VPS37B: variants seen among roughly 807,000 people sequenced by gnomAD.
VPS37B encodes VPS37B subunit of ESCRT-I.
In VPS37B, 11 loss-of-function variants were observed where a neutral mutation model predicts 21.2. That is an observed-to-expected ratio of 0.52 (90% confidence interval 0.33 to 0.86). The LOEUF is 0.86. Among genes scored for constraint, VPS37B ranks in the 40% least tolerant of loss-of-function variants. The pLI is 0.03. For synonymous variants in VPS37B, 175 were observed against 159.6 expected (o/e 1.10, Z -0.73); for missense variants, 389 against 374.8 (o/e 1.04, Z -0.31).
At chr12:122,884,924 A>G (rs2034299825) in intron 1 of VPS37B, 1 of 152,208 alleles carries the variant, frequency 6.6e-6, no homozygotes, top group African/African-American at 2.4e-5. Flanking sequence ...TATGTTTATT[A>G]AGACTGTATC....
chr12:122,876,131 T>C (rs1453513627), intron 1 of VPS37B: 1 of 152,226 alleles, frequency 6.6e-6, no homozygotes, highest in African/African-American at 2.4e-5. Flanking sequence ...TCTAAACTTA[T>C]TTCTGCCCAC....
chr12:122,882,563 T>A (rs1346037277), intron 1 of VPS37B: 1 of 152,202 alleles, frequency 6.6e-6, no homozygotes, highest in Non-Finnish European at 1.5e-5. Context: ...TATTCTCAAA[T>A]TGCATTAAGA....
At chr12:122,895,905 C>A in intron 1 of VPS37B, 47 bp downstream of exon 1, 1 of 1,573,724 alleles carries the variant, frequency 6.4e-7, no homozygotes, top group Non-Finnish European at 8.7e-7. Context: ...AGGAGCGAAC[C>A]CCGCTCGAGG....
chr12:122,868,538 A>G lies in VPS37B; in HGVS notation c.308T>C (p.Leu103Ser). 1.2e-6 allele frequency: 2 copies of G among 1,613,872 alleles called. No homozygotes were observed. The highest frequency in any genetic ancestry group is 2.2e-5 in the South Asian group (2 of 91,026). ...CTGAAGAAGTGCTAACAGGGTCTCC[A>G]AGGAAGCACTGCTAGACTGTCTGTC... The part of the protein sequence containing the change: ...KLDRQSSSAS[L>S]ETLLALLQAE... The change falls in exon 3 of 4, where the codon TTG becomes TCG. Residue 103 changes from leucine (L) to serine (S), a missense_variant. Transcript: ENST00000267202. The surrounding 1 kb of genome is among the most constrained non-coding windows in gnomAD (Gnocchi z 5.5).
At position 122,867,095 on chromosome 12, in the gene VPS37B, C is replaced by A; in HGVS notation, c.*21G>T. On this transcript the variant is annotated 3_prime_UTR_variant, in exon 4 of 4. Transcript: ENST00000267202. The surrounding 1 kb of genome is among the most constrained non-coding windows in gnomAD (Gnocchi z 5.5). ...AACACGCCAGGTGGAAGAAGTCTCC[C>A]GGGAAGGACCGCGCCGGCGCTCACT... The A allele has an allele frequency of 6.7e-7, 1 of 1,503,454 alleles. No individual in the cohort carries two copies. Among genetic ancestry groups the A allele is most frequent in the Non-Finnish European group, 8.8e-7 (1 of 1,131,080 alleles). 93.1% of individuals were successfully genotyped at this position (1,503,454 alleles called of 1,614,324 possible). A position where few individuals can be genotyped will look rare whatever the true frequency, so the allele number is the denominator to read the frequency against.
chr12:122,881,787 A>T (rs2034250744), intron 1 of VPS37B: 1 of 152,204 alleles, frequency 6.6e-6, no homozygotes, highest in African/African-American at 2.4e-5. Flanking sequence ...TCTAAGGTTC[A>T]TTCCTATTTA....
chr12:122,872,804 A>C (rs2034063898), intron 1 of VPS37B: 1 of 626,530 alleles, frequency 1.6e-6, no homozygotes, highest in Non-Finnish European at 2.0e-6. Flanking sequence ...ATGAAAACTT[A>C]TATTCAACAA....
chr12:122,872,505 C>A, intron 1 of VPS37B: 2 of 985,352 alleles, frequency 2.0e-6, no homozygotes, highest in African/African-American at 1.7e-5. Context: ...TCTTCTGATG[C>A]CTTTAGCAAA....
At chr12:122,892,720 G>A (rs1418426950) in intron 1 of VPS37B, among the ~76,000 whole-genome samples, 1 of 152,098 alleles carries the variant, frequency 6.6e-6, no homozygotes. Context: ...GAATTCAAGA[G>A]GCAACATAGC....
intron 1 of VPS37B, chr12:122,884,275 G>A (rs1362466893): frequency 1.3e-5 from 2 of 152,180 alleles, no homozygotes; most frequent in Non-Finnish European, 2.9e-5. Context: ...TTTTCCTGTG[G>A]GGTGGGAACT....
At chr12:122,890,726 G>A (rs1357454691) in intron 1 of VPS37B, among the ~76,000 whole-genome samples, 2 of 152,078 alleles carry the variant, frequency 1.3e-5, no homozygotes, top group African/African-American at 4.8e-5. Context: ...CAGTTCAGTG[G>A]CACCGAGTAC....
chr12:122,891,185 G>C (rs140689322), intron 1 of VPS37B, among the ~76,000 whole-genome samples: 1 of 152,178 alleles, frequency 6.6e-6, no homozygotes, highest in African/African-American at 2.4e-5. Context: ...TTCTGACTCC[G>C]ACCACTGTGT....
chr12:122,874,530 C>T (rs1399434411), intron 1 of VPS37B: 2 of 152,226 alleles, frequency 1.3e-5, no homozygotes, highest in Non-Finnish European at 1.5e-5. Context: ...GAGAAGAACA[C>T]AAGGAAAGCG....
Position 122,868,696 on chromosome 12 carries a change from C to T in VPS37B, c.284-134G>A, listed in dbSNP as rs2033958823. On this transcript the variant is annotated intron_variant, in intron 2 of 3. Transcript: ENST00000267202. The surrounding 1 kb of genome is among the most constrained non-coding windows in gnomAD (Gnocchi z 5.5). ...AAAGGCTTGAAAACCTACAGGGGAA[C>T]AAGTGCACCAAGCCAGTGCCCAGGG... 2.7e-6 allele frequency: 2 copies of T among 748,962 alleles called. No homozygotes were observed. Among genetic ancestry groups the T allele is most frequent in the Admixed American group, 2.2e-5 (1 of 45,744 alleles). The allele number at this position is 748,962 out of a possible 1,614,324, so 46.4% of individuals were successfully genotyped here. A position where few individuals can be genotyped will look rare whatever the true frequency, so the allele number is the denominator to read the frequency against.
chr12:122,892,503 TAAAA>T (rs139634602), intron 1 of VPS37B, among the ~76,000 whole-genome samples: 1 of 143,692 alleles, frequency 7.0e-6, no homozygotes. Flanking sequence ...TTCTGCCAAT[TAAAA>T]AAAAAAAAAA....
intron 1 of VPS37B, chr12:122,887,089 T>G (rs943041977): frequency 6.6e-6 from 1 of 152,212 alleles, no homozygotes; most frequent in African/African-American, 2.4e-5. Flanking sequence ...AAGTGATTAT[T>G]TGAACTGTGT....
At chr12:122,893,985 A>T (rs1232754444) in intron 1 of VPS37B, among the ~76,000 whole-genome samples, 1 of 152,206 alleles carries the variant, frequency 6.6e-6, no homozygotes, top group African/African-American at 2.4e-5. Context: ...CCCTCCACTA[A>T]AGGCAGTTTA....
chr12:122,869,634 G>C (rs1484417910), intron 2 of VPS37B, among the ~76,000 whole-genome samples: 1 of 152,220 alleles, frequency 6.6e-6, no homozygotes, highest in African/African-American at 2.4e-5. Context: ...TCTTTAAAGG[G>C]ATGGGGTCTC....
intron 2 of VPS37B, chr12:122,870,211 A>G (rs2033998102): frequency 6.6e-6 from 1 of 152,216 alleles, no homozygotes. Context: ...GGTGACTGCT[A>G]AACTGGCTGG....
Sources: allele counts gnomAD v4.1 joint callset (sites outside exome capture counted in the v4.1 genomes callset), GRCh38; gene constraint gnomAD v4.1.1; non-coding constraint Gnocchi (gnomAD v3.1); transcripts MANE v1.5; gene names NCBI Gene and HGNC (gene_info 2026-07-23, HGNC 2026-07-21).